Variants in CRTC3 observed in about 807,000 individuals in gnomAD.
CRTC3 encodes CREB regulated transcription coactivator 3, also known as CREB-regulated transcription coactivator 3.
A neutral mutation model predicts 74.5 loss-of-function variants in CRTC3; 26 were observed. The ratio of observed to expected loss-of-function variants is 0.35; its 90% confidence interval spans 0.26 to 0.48. CRTC3 has a LOEUF of 0.48. Ranked by LOEUF, CRTC3 falls within the 20% of genes least tolerant of loss-of-function variation. The pLI, the probability that CRTC3 is intolerant of heterozygous loss-of-function variation, is 0.99. For missense variants in CRTC3, 760 were observed against 787.3 expected (o/e 0.97, Z 0.41); for synonymous variants, 377 against 325.8 (o/e 1.16, Z -1.69).
intron 2 of CRTC3, among the ~76,000 whole-genome samples, chr15:90,573,501 G>T (rs1967325764): frequency 6.6e-6 from 1 of 152,010 alleles, no homozygotes. Flanking sequence ...GTATTCTAAT[G>T]CTATTATTAC....
rs77985234 is a variant in CRTC3 at position 90,641,304 on chromosome 15, T to C, written c.1651+105T>C. On this transcript the variant is annotated intron_variant, in intron 14 of 14. Transcript: ENST00000268184. ...ACATAATATTATATAAAGCAAAAAGTTAACGTTCCCTGGGTCGACTTGACT... is the reference window on the plus strand; with the variant it reads ...ACATAATATTATATAAAGCAAAAAGCTAACGTTCCCTGGGTCGACTTGACT... 4,779 of 807,218 alleles carry C rather than the reference T, an allele frequency of 5.9e-3. 179 individuals carry two copies. The African/African-American group carries it at 0.074, about 13-fold the overall frequency. The allele number at this position is 807,218 out of a possible 1,614,324, so 50.0% of individuals were successfully genotyped here.
chr15:90,562,254 C>T (rs994208269), intron 2 of CRTC3, among the ~76,000 whole-genome samples: 4 of 152,188 alleles, frequency 2.6e-5, no homozygotes, highest in East Asian at 1.9e-4. Context: ...GAGAAGAACA[C>T]GAACAGTTAC....
At position 90,642,825 on chromosome 15, in the gene CRTC3, T is replaced by C; in HGVS notation, c.*685T>C. On this transcript the variant is annotated 3_prime_UTR_variant, in exon 15 of 15. Transcript: ENST00000268184. ...ATGGACCAGAGGAAGAGGAAGACCA[T>C]TTTATCAGTCACTGAAAAGAGTCCC... The C allele has an allele frequency of 4.3e-6, 1 of 232,654 alleles. No homozygotes were observed. The highest frequency in any genetic ancestry group is 8.5e-6 in the Non-Finnish European group (1 of 117,602). 14.4% of individuals were successfully genotyped at this position (232,654 alleles called of 1,614,324 possible). A position where few individuals can be genotyped will look rare whatever the true frequency, so the allele number is the denominator to read the frequency against.
intron 2 of CRTC3, among the ~76,000 whole-genome samples, chr15:90,558,813 G>A (rs762387389): frequency 3.3e-5 from 5 of 151,870 alleles, no homozygotes; most frequent in African/African-American, 9.7e-5. Flanking sequence ...GTGCAGTGGC[G>A]TGATCTCGGC....
At chr15:90,561,081 C>A (rs939319906) in intron 2 of CRTC3, among the ~76,000 whole-genome samples, 1 of 152,152 alleles carries the variant, frequency 6.6e-6, no homozygotes, top group East Asian at 1.9e-4. Flanking sequence ...GATCGTTAGT[C>A]TCTCTGTGTC....
chr15:90,639,360 T>A (rs1200046406), intron 13 of CRTC3, among the ~76,000 whole-genome samples: 4 of 152,184 alleles, frequency 2.6e-5, no homozygotes, highest in Admixed American at 2.6e-4. Context: ...TATTCTAGAT[T>A]TTATAGTATT....
At chr15:90,605,508 T>C (rs933313089) in intron 5 of CRTC3, among the ~76,000 whole-genome samples, 1 of 152,216 alleles carries the variant, frequency 6.6e-6, no homozygotes, top group African/African-American at 2.4e-5. Context: ...CTTAACAAAA[T>C]TAAAAATAAC....
At chr15:90,626,020 C>G (rs760018172) in intron 10 of CRTC3, 27 bp downstream of exon 10, 1 of 1,586,920 alleles carries the variant, frequency 6.3e-7, no homozygotes, top group Non-Finnish European at 8.7e-7. Flanking sequence ...TAGCAGTGAC[C>G]TGGTGGCTTA....
chr15:90,629,991 T>C (rs1056104473), intron 11 of CRTC3, among the ~76,000 whole-genome samples: 3 of 152,232 alleles, frequency 2.0e-5, no homozygotes, highest in Non-Finnish European at 4.4e-5. Flanking sequence ...CCCAAAGTGC[T>C]GGGATTACAG....
chr15:90,549,663 G>A (rs1296017816), intron 2 of CRTC3, among the ~76,000 whole-genome samples: 1 of 150,298 alleles, frequency 6.7e-6, no homozygotes, highest in East Asian at 2.0e-4. Context: ...ATGTAAATAT[G>A]TATACATGCT....
At chr15:90,588,903 T>C (rs1266781056) in intron 2 of CRTC3, among the ~76,000 whole-genome samples, 1 of 152,198 alleles carries the variant, frequency 6.6e-6, no homozygotes, top group East Asian at 1.9e-4. Context: ...TTTTGTCTTC[T>C]CAACAAGCCT....
At chr15:90,560,499 A>G (rs1369467691) in intron 2 of CRTC3, among the ~76,000 whole-genome samples, 1 of 152,216 alleles carries the variant, frequency 6.6e-6, no homozygotes, top group Non-Finnish European at 1.5e-5. Flanking sequence ...CACCCTCCTC[A>G]GCTACGCAGC....
chr15:90,535,981 A>G (rs928114796), intron 1 of CRTC3, among the ~76,000 whole-genome samples: 1 of 152,228 alleles, frequency 6.6e-6, no homozygotes, highest in South Asian at 2.1e-4. Context: ...AATTTCCCTC[A>G]TAAGGATCTT....
At chr15:90,536,517 A>G (rs964898102) in intron 1 of CRTC3, among the ~76,000 whole-genome samples, 3 of 151,756 alleles carry the variant, frequency 2.0e-5, no homozygotes, top group African/African-American at 4.8e-5. Context: ...TGCTCTGACT[A>G]TTCTAGGTCA....
At chr15:90,578,597 T>C (rs1437848506) in intron 2 of CRTC3, among the ~76,000 whole-genome samples, 1 of 151,994 alleles carries the variant, frequency 6.6e-6, no homozygotes, top group African/African-American at 2.4e-5. Context: ...AATGCATGTA[T>C]AGAGTTATAT....
At position 90,640,381 on chromosome 15, in the gene CRTC3, A is replaced by C. The variant is rs189958365; in HGVS notation, c.1549-716A>C. Among the ~76,000 whole-genome samples, 4 of 152,134 alleles carry C rather than the reference A, an allele frequency of 2.6e-5. No homozygotes were observed. In the East Asian group the frequency reaches 7.7e-4, roughly 29 times the overall value. ...GAAAAGGAAAGCCTTCCCCTTTCTC[A>C]GTTTTCTAGAAACCAGGGAAGAGGC... On this transcript the variant is annotated intron_variant, in intron 13 of 14. Transcript: ENST00000268184.
chr15:90,560,898 C>T (rs1003583166), intron 2 of CRTC3, among the ~76,000 whole-genome samples: 5 of 152,192 alleles, frequency 3.3e-5, no homozygotes, highest in East Asian at 1.9e-4. Flanking sequence ...TAATACCATA[C>T]AAGCCCTTTT....
intron 2 of CRTC3, among the ~76,000 whole-genome samples, chr15:90,545,507 C>A (rs1028167982): frequency 6.7e-6 from 1 of 149,662 alleles, no homozygotes; most frequent in African/African-American, 2.5e-5. Context: ...TCAAGCAGTT[C>A]TACTGCCTGA....
chr15:90,559,245 T>A (rs936870597), intron 2 of CRTC3, among the ~76,000 whole-genome samples: 9 of 152,188 alleles, frequency 5.9e-5, no homozygotes, highest in Non-Finnish European at 1.3e-4. Flanking sequence ...GAATTTTGTA[T>A]GTATTATCTC....
Sources: allele counts gnomAD v4.1 joint callset (sites outside exome capture counted in the v4.1 genomes callset), GRCh38; gene constraint gnomAD v4.1.1; transcripts MANE v1.5; gene names NCBI Gene and HGNC (gene_info 2026-07-23, HGNC 2026-07-21).